The following DOCK4 variants were observed in gnomAD, a reference collection of about 807,000 sequenced individuals.
DOCK4 encodes dedicator of cytokinesis 4.
Under a neutral mutation model 268.1 loss-of-function variants are expected in DOCK4, and 97 were observed. That is an observed-to-expected ratio of 0.36 (90% CI 0.31 to 0.43). The LOEUF is 0.43. Ranked by LOEUF, DOCK4 falls within the 20% of genes least tolerant of loss-of-function variation. The pLI is 1.00. For missense variants in DOCK4, 2,145 were observed against 2,455.7 expected, an observed-to-expected ratio of 0.87 and a Z score of 2.67; for synonymous variants, 954 against 887.2, an observed-to-expected ratio of 1.08 and a Z score of -1.34.
intron 42 of DOCK4, among the ~76,000 whole-genome samples, chr7:111,754,689 A>AGACAGCTGGGTGGGGTCCCACCCT (rs1796905089): frequency 6.6e-6 from 1 of 152,222 alleles, no homozygotes; most frequent in Non-Finnish European, 1.5e-5. Flanking sequence ...AGAACAGCAC[A>AGACAGCTGGGTGGGGTCCCACCCT]GACAGCTGGG....
chr7:111,900,138 G>A (rs1005418019), intron 15 of DOCK4, among the ~76,000 whole-genome samples: 2 of 152,214 alleles, frequency 1.3e-5, no homozygotes, highest in African/African-American at 4.8e-5. Context: ...CCCAATCTGT[G>A]TGAGAGCTGG....
chr7:112,178,464 G>A (rs982355950), intron 1 of DOCK4, among the ~76,000 whole-genome samples: 3 of 152,234 alleles, frequency 2.0e-5, no homozygotes, highest in South Asian at 2.1e-4. Context: ...CCAAAGACTT[G>A]CTTTGTCAAA....
At chr7:111,848,722 G>A (rs1284269931) in intron 23 of DOCK4, among the ~76,000 whole-genome samples, 2 of 152,126 alleles carry the variant, frequency 1.3e-5, no homozygotes, top group African/African-American at 4.8e-5. Context: ...AAACACCTGA[G>A]TCTGGGGGCA....
intron 16 of DOCK4, among the ~76,000 whole-genome samples, chr7:111,878,258 C>T (rs1262518909): frequency 2.0e-5 from 3 of 152,182 alleles, no homozygotes; most frequent in African/African-American, 7.2e-5. Context: ...TTTGAACAAA[C>T]CTGCTGATGT....
intron 23 of DOCK4, among the ~76,000 whole-genome samples, chr7:111,854,428 A>G (rs1804837050): frequency 6.6e-6 from 1 of 152,170 alleles, no homozygotes; most frequent in Admixed American, 6.5e-5. Flanking sequence ...AACCCTCAAG[A>G]GGGACAGGAA....
intron 30 of DOCK4, among the ~76,000 whole-genome samples, chr7:111,794,896 T>G (rs1031094187): frequency 6.6e-6 from 1 of 152,152 alleles, no homozygotes; most frequent in East Asian, 1.9e-4. Context: ...CTGATTACAA[T>G]GAATTACAAA....
intron 17 of DOCK4, among the ~76,000 whole-genome samples, chr7:111,874,755 C>A (rs1806703964): frequency 6.6e-6 from 1 of 152,256 alleles, no homozygotes; most frequent in Admixed American, 6.5e-5. Context: ...TCCTCTGAAC[C>A]TTAAAATCTC....
At chr7:112,150,926 A>G (rs1815996909) in intron 1 of DOCK4, among the ~76,000 whole-genome samples, 1 of 152,176 alleles carries the variant, frequency 6.6e-6, no homozygotes, top group Non-Finnish European at 1.5e-5. Context: ...GGATGCTAAA[A>G]GGCTTGCAGA....
intron 1 of DOCK4, among the ~76,000 whole-genome samples, chr7:112,035,880 TA>T (rs1803708565): frequency 6.6e-6 from 1 of 152,050 alleles, no homozygotes; most frequent in Non-Finnish European, 1.5e-5. Flanking sequence ...ACATAATTTT[TA>T]AAAAATCGAG....
chr7:112,132,692 A>G (rs1813919592), intron 1 of DOCK4, among the ~76,000 whole-genome samples: 1 of 152,142 alleles, frequency 6.6e-6, no homozygotes, highest in African/African-American at 2.4e-5. Context: ...ATCCTTGGTT[A>G]TTGGATATTG....
Position 111,740,995 on chromosome 7 carries a change from C to T in DOCK4, c.5040+99G>A. 5 of 1,435,430 alleles carry T rather than the reference C, an allele frequency of 3.5e-6. No homozygotes were observed. The South Asian group carries it at 4.0e-5, about 11-fold the overall frequency. 88.9% of individuals were successfully genotyped at this position (1,435,430 alleles called of 1,614,324 possible). On this transcript the variant is annotated intron_variant, in intron 47 of 52. Coordinates refer to ENST00000428084, the MANE Select transcript of DOCK4 (RefSeq NM_001363540.2). ...GGTTTGTCCTTAAGCCAAGTTCTTG[C>T]TTGTTGGTCTGTTCATCAGCACAGC...
At chr7:111,820,349 G>A (rs777410674) in intron 27 of DOCK4, 5 of 152,254 alleles carry the variant, frequency 3.3e-5, no homozygotes, top group Non-Finnish European at 7.3e-5. Context: ...ACTCCTACCA[G>A]CACTCACATG....
rs1018094534 is a variant in DOCK4, at chr7:111,728,200, C to T, written c.*74G>A. 1 of 1,220,960 alleles carries T rather than the reference C, an allele frequency of 8.2e-7. No individual in the cohort carries two copies. The highest frequency in any genetic ancestry group is 1.1e-6 in the Non-Finnish European group (1 of 929,454). The allele number at this position is 1,220,960 out of a possible 1,614,324, so 75.6% of individuals were successfully genotyped here. The stretch of plus-strand genomic sequence containing the variant: ...TGAGTAAGTTATTAAAGTGCCTACA[C>T]TAAATGTCTTCTCATCATACTTCTT... On this transcript the variant is annotated 3_prime_UTR_variant, in exon 53 of 53. Transcript: ENST00000428084.
At chr7:111,925,198 TTATATC>T (rs1312371970) in intron 12 of DOCK4, among the ~76,000 whole-genome samples, 1 of 152,202 alleles carries the variant, frequency 6.6e-6, no homozygotes, top group Non-Finnish European at 1.5e-5. Context: ...ATGTTATGTG[TTATATC>T]TATAAGAAAA....
intron 5 of DOCK4, among the ~76,000 whole-genome samples, chr7:111,990,700 C>T (rs1381746924): frequency 2.0e-5 from 3 of 152,170 alleles, no homozygotes; most frequent in Non-Finnish European, 2.9e-5. Flanking sequence ...GCCCATTCTT[C>T]TATTGCTTCT....
chr7:112,099,365 A>C (rs552357705), intron 1 of DOCK4, among the ~76,000 whole-genome samples: 1 of 151,828 alleles, frequency 6.6e-6, no homozygotes, highest in South Asian at 2.1e-4. Flanking sequence ...CCTGATAACC[A>C]TATCTATAAT....
At chr7:112,084,210 A>C (rs1404420345) in intron 1 of DOCK4, among the ~76,000 whole-genome samples, 1 of 152,208 alleles carries the variant, frequency 6.6e-6, no homozygotes, top group Non-Finnish European at 1.5e-5. Flanking sequence ...AATGAATGAA[A>C]ATTAGTTTAA....
chr7:112,118,218 G>C (rs1193033749), intron 1 of DOCK4, among the ~76,000 whole-genome samples: 1 of 151,716 alleles, frequency 6.6e-6, no homozygotes, highest in Non-Finnish European at 1.5e-5. Flanking sequence ...GAACCATGGA[G>C]ACAAGATTGA....
chr7:112,124,411 C>A (rs972831431), intron 1 of DOCK4, among the ~76,000 whole-genome samples: 1 of 152,178 alleles, frequency 6.6e-6, no homozygotes, highest in Non-Finnish European at 1.5e-5. Flanking sequence ...CATGGACATA[C>A]CTTTGTCACT....
Sources: gnomAD v4.1 joint callset for allele counts (sites outside exome capture counted in the v4.1 genomes callset) on GRCh38, gnomAD v4.1.1 for gene constraint, MANE v1.5 for transcripts, NCBI Gene and HGNC (gene_info 2026-07-23, HGNC 2026-07-21) for gene names.